ADIPOQ: variants seen among roughly 807,000 people sequenced by gnomAD.
The protein encoded by ADIPOQ is adiponectin.
A neutral mutation model predicts 16.1 loss-of-function variants in ADIPOQ; 19 were observed. The ratio of observed to expected loss-of-function variants is 1.18; its 90% CI spans 0.82 to 1.73. The LOEUF (loss-of-function observed/expected upper bound fraction) is 1.73. ADIPOQ is among the 40% of genes most tolerant of loss of function. ADIPOQ has a pLI of 0.00. For synonymous variants in ADIPOQ, 124 were observed against 125.5 expected (o/e 0.99, Z 0.08); for missense variants, 323 against 308.3 (o/e 1.05, Z -0.36).
intron 1 of ADIPOQ, among the ~76,000 whole-genome samples, chr3:186,844,834 T>C (rs1372887291): frequency 6.6e-6 from 1 of 152,034 alleles, no homozygotes; most frequent in Non-Finnish European, 1.5e-5. Flanking sequence ...TTGCTCTTTT[T>C]AAGGTGGCTG....
At position 186,852,941 on chromosome 3, in the gene ADIPOQ, G is replaced by T. The variant is rs1447600081; in HGVS notation, c.-8-110G>T. The T allele has an allele frequency of 6.2e-6, 7 of 1,127,546 alleles. No homozygotes were observed. The African/African-American group carries it at 1.1e-4, about 17-fold the overall frequency. The allele number at this position is 1,127,546 out of a possible 1,614,324, so 69.8% of individuals were successfully genotyped here. On this transcript the variant is annotated intron_variant, in intron 1 of 2. Transcript: ENST00000320741. ...GGAAAAGTTGAATACTTAGAAAGCA[G>T]CTCCTAGAAGTAGACTCTGCTGAGA...
chr3:186,852,485 T>C, intron 1 of ADIPOQ: 1 of 155,920 alleles, frequency 6.4e-6, no homozygotes. Context: ...TCTGTGTGTG[T>C]TTGTGTGTGT....
At position 186,854,303 on chromosome 3, in the gene ADIPOQ, C is replaced by CG. The variant is rs753832722; in HGVS notation, c.335dup (p.Ser113LeufsTer32). 1.2e-6 allele frequency: 2 copies of CG among 1,614,068 alleles called. No homozygotes were observed. ...ACCTGGAGAAGGTGCCTATGTATAC[C>CG]GCTCAGCATTCAGTGTGGGATTGGA... On this transcript the variant is annotated frameshift_variant, in exon 3 of 3. Transcript: ENST00000320741. LOFTEE classifies it high-confidence loss of function.
chr3:186,852,970 A>G (rs1711833101), intron 1 of ADIPOQ, 81 bp from the exon 2 acceptor site: 6 of 1,454,942 alleles, frequency 4.1e-6, no homozygotes, highest in Non-Finnish European at 3.8e-6. Context: ...GCTGAGATGG[A>G]CGGAGTCCTT....
chr3:186,846,918 G>A (rs1711595095), intron 1 of ADIPOQ, among the ~76,000 whole-genome samples: 1 of 152,174 alleles, frequency 6.6e-6, no homozygotes, highest in Non-Finnish European at 1.5e-5. Flanking sequence ...TTGAAAGGCA[G>A]GATGTGTGAC....
chr3:186,846,245 TG>T (rs1235474927), intron 1 of ADIPOQ, among the ~76,000 whole-genome samples: 3 of 113,494 alleles, frequency 2.6e-5, no homozygotes, highest in African/African-American at 1.1e-4. Flanking sequence ...TTGAGGATTT[TG>T]TATACTTTTT....
intron 1 of ADIPOQ, among the ~76,000 whole-genome samples, chr3:186,848,159 C>T (rs1360725767): frequency 4.1e-5 from 5 of 120,612 alleles, no homozygotes; most frequent in African/African-American, 1.7e-4. Context: ...GGCCACAAAG[C>T]GAGACTCCAC....
At chr3:186,846,494 A>C (rs146842550) in intron 1 of ADIPOQ, among the ~76,000 whole-genome samples, 2,153 of 152,170 alleles carry the variant, frequency 0.014, 39 homozygotes, top group Middle Eastern at 0.044. Flanking sequence ...TCAGCCTCCC[A>C]AAGTGCTGAG....
chr3:186,844,960 A>G (rs1335332343), intron 1 of ADIPOQ, among the ~76,000 whole-genome samples: 2 of 152,178 alleles, frequency 1.3e-5, no homozygotes, highest in Admixed American at 6.5e-5. Context: ...AGGAATTTCA[A>G]TCAGAAATTC....
At chr3:186,843,995 C>T (rs185517567) in intron 1 of ADIPOQ, among the ~76,000 whole-genome samples, 4 of 152,256 alleles carry the variant, frequency 2.6e-5, no homozygotes, top group African/African-American at 9.6e-5. Context: ...GGGGTGGCAC[C>T]AACTCACTCC....
chr3:186,843,253 T>G (rs963340490), intron 1 of ADIPOQ, among the ~76,000 whole-genome samples: 2 of 152,174 alleles, frequency 1.3e-5, no homozygotes, highest in Non-Finnish European at 2.9e-5. Context: ...CTGAGCAAAT[T>G]CTATGGGCTA....
At chr3:186,848,939 A>C (rs822394) in intron 1 of ADIPOQ, among the ~76,000 whole-genome samples, 130,965 of 152,136 alleles carry the variant, frequency 0.86, 56,711 homozygotes, top group African/African-American at 0.96. Context: ...TGTGCTAATC[A>C]CACTCTTGTA....
In ADIPOQ at chr3:186,854,672, A is replaced by G. The variant is rs779449586; in HGVS notation, c.703A>G (p.Thr235Ala). The G allele has an allele frequency of 6.2e-7, 1 of 1,614,182 alleles. No individual in the cohort carries two copies. ...TGATAATGACAATGACTCCACCTTC[A>G]CAGGCTTTCTTCTCTACCATGACAC... ...YADNDNDSTF[T>A]GFLLYHDTN Residue 235 changes from threonine (T) to alanine (A), a missense_variant, in exon 3 of 3, where the codon ACA becomes GCA. Thr to Ala is a moderately conservative substitution (Grantham distance 58, BLOSUM62 0). Coordinates refer to ENST00000320741, the MANE Select transcript of ADIPOQ (RefSeq NM_004797.4).
At position 186,854,245 on chromosome 3, in the gene ADIPOQ, A is replaced by T. The variant is rs758245105; in HGVS notation, c.276A>T (p.Arg92=). The change falls in exon 3 of 3, where the codon CGA becomes CGT. Residue 92 remains arginine (R), a synonymous_variant. Transcript: ENST00000320741. ...ETGVPGAEGP[R]GFPGIQGRKG... is the part of the protein sequence containing the mutation. ...GAGTACCCGGGGCTGAAGGTCCCCG[A>T]GGCTTTCCGGGAATCCAAGGCAGGA... is the stretch of plus-strand genomic sequence containing the variant. 4 of 1,613,652 alleles carry T rather than the reference A, an allele frequency of 2.5e-6. No individual in the cohort carries two copies. Among genetic ancestry groups the T allele is most frequent in the Non-Finnish European group, 3.4e-6 (4 of 1,179,624 alleles).
chr3:186,848,277 GGAAGGAAGGAAAGAAGGAAGGAAGGAAA>G (rs1356517568), intron 1 of ADIPOQ, among the ~76,000 whole-genome samples: 38 of 110,016 alleles, frequency 3.5e-4, no homozygotes, highest in Admixed American at 1.4e-3. Flanking sequence ...AAGGAAAGAA[GGAAGGAAGGAAAGAAGGAAGGAAGGAAA>G]GAAGGAAGGA....
At chr3:186,848,598 G>A (rs1462874384) in intron 1 of ADIPOQ, among the ~76,000 whole-genome samples, 1 of 152,108 alleles carries the variant, frequency 6.6e-6, no homozygotes, top group East Asian at 1.9e-4. Flanking sequence ...GCTGACATGG[G>A]TGAGGGTTCC....
At chr3:186,848,686 G>A (rs1711652300) in intron 1 of ADIPOQ, among the ~76,000 whole-genome samples, 1 of 152,154 alleles carries the variant, frequency 6.6e-6, no homozygotes, top group Non-Finnish European at 1.5e-5. Flanking sequence ...TGACTCTAAT[G>A]TGTCTCCTGA....
At chr3:186,849,483 CCTAAGCTGTTTCTCATT>C in intron 1 of ADIPOQ, among the ~76,000 whole-genome samples, 1 of 152,228 alleles carries the variant, frequency 6.6e-6, no homozygotes, top group East Asian at 1.9e-4. Context: ...ACTAGTCAAA[CCTAAGCTGTTTCTCATT>C]TTATTTCCAG....
chr3:186,854,488 C>A lies in ADIPOQ; in HGVS notation c.519C>A (p.Val173=). 1.2e-6 allele frequency: 2 copies of A among 1,614,128 alleles called. No homozygotes were observed. Among genetic ancestry groups the A allele is most frequent in the Non-Finnish European group, 1.7e-6 (2 of 1,179,968 alleles). The change falls in exon 3 of 3, where the codon GTC becomes GTA. Residue 173 remains valine, a synonymous_variant. Transcript: ENST00000320741. ...HITVYMKDVK[V]SLFKKDKAML... is the part of the protein sequence containing the mutation. ...CAGTCTATATGAAGGATGTGAAGGTCAGCCTCTTCAAGAAGGACAAGGCTA... is the reference window on the plus strand; with the variant it reads ...CAGTCTATATGAAGGATGTGAAGGTAAGCCTCTTCAAGAAGGACAAGGCTA...
Sources: gnomAD v4.1 joint callset for allele counts (sites outside exome capture counted in the v4.1 genomes callset) on GRCh38, gnomAD v4.1.1 for gene constraint, MANE v1.5 for transcripts, NCBI Gene and HGNC (gene_info 2026-07-23, HGNC 2026-07-21) for gene names.